Variants in CNTN5 observed in about 807,000 individuals in gnomAD.
The protein encoded by CNTN5 is contactin 5.
Under a neutral mutation model 129.1 loss-of-function variants are expected in CNTN5, and 77 were observed. The observed-to-expected ratio is 0.60, with a 90% CI of 0.50 to 0.72. The LOEUF is 0.72. Among genes scored for constraint, CNTN5 ranks in the 30% least tolerant of loss-of-function variants. The probability of loss-of-function intolerance (pLI) is 0.00; values close to 1 mark genes in which losing one functional copy is unlikely to be tolerated. For missense variants in CNTN5, 1,478 were observed against 1,328.8 expected (o/e 1.11, Z -1.75); for synonymous variants, 509 against 465.6 (o/e 1.09, Z -1.20).
At chr11:99,301,321 T>G (rs981873304) in intron 1 of CNTN5, among the ~76,000 whole-genome samples, 2 of 150,718 alleles carry the variant, frequency 1.3e-5, no homozygotes, top group African/African-American at 4.9e-5. Context: ...AAAAAAAGAT[T>G]AAAAAAAGGT....
intron 2 of CNTN5, among the ~76,000 whole-genome samples, chr11:99,414,368 G>T (rs1195358325): frequency 3.3e-5 from 5 of 152,100 alleles, no homozygotes; most frequent in African/African-American, 1.2e-4. Flanking sequence ...TGCACACATG[G>T]ATATTTAATA....
intron 6 of CNTN5, among the ~76,000 whole-genome samples, chr11:99,900,072 T>C (rs577048202): frequency 6.6e-6 from 1 of 152,172 alleles, no homozygotes; most frequent in Admixed American, 6.5e-5. Context: ...CTTGATCATT[T>C]CTGATTCTAC....
chr11:99,757,614 A>G (rs1001277386), intron 3 of CNTN5, among the ~76,000 whole-genome samples: 4 of 152,072 alleles, frequency 2.6e-5, no homozygotes, highest in African/African-American at 9.7e-5. Flanking sequence ...ATATCTACAG[A>G]GACCCTATTT....
At chr11:99,206,872 C>T (rs1565402732) in intron 1 of CNTN5, among the ~76,000 whole-genome samples, 1 of 152,074 alleles carries the variant, frequency 6.6e-6, no homozygotes, top group East Asian at 1.9e-4. Flanking sequence ...CCGTATGTGA[C>T]AAATAAAGTA....
rs557269648 is a variant in CNTN5 at position 99,147,315 on chromosome 11, C to A, written c.-210+126045C>A. On this transcript the variant is annotated intron_variant, in intron 1 of 24. Transcript: ENST00000524871. ...ATAAAAGCAAAGACAGCTGAAGCAA[C>A]CTTTTTCTGCTATATTTACAATTCT... Among the ~76,000 whole-genome samples the A allele has an allele frequency of 1.7e-3, 263 of 152,094 alleles. 2 individuals carry two copies. The highest frequency in any genetic ancestry group is 6.0e-3 in the African/African-American group (248 of 41,484).
intron 13 of CNTN5, among the ~76,000 whole-genome samples, chr11:100,155,625 C>T (rs112758385): frequency 2.6e-5 from 4 of 152,056 alleles, no homozygotes; most frequent in Non-Finnish European, 5.9e-5. Context: ...TGGCCATTTT[C>T]ACAATATTGA....
chr11:99,986,935 A>G (rs1357624868), intron 8 of CNTN5, among the ~76,000 whole-genome samples: 4 of 152,208 alleles, frequency 2.6e-5, no homozygotes, highest in Non-Finnish European at 4.4e-5. Context: ...TTGATAATTG[A>G]CTGATTGCGG....
At chr11:99,427,068 A>ATT (rs1943151621) in intron 2 of CNTN5, among the ~76,000 whole-genome samples, 1 of 152,228 alleles carries the variant, frequency 6.6e-6, no homozygotes, top group Non-Finnish European at 1.5e-5. Flanking sequence ...GAAAAACAAA[A>ATT]ACAAAAACCT....
intron 1 of CNTN5, among the ~76,000 whole-genome samples, chr11:99,277,647 T>G (rs956259000): frequency 6.6e-6 from 1 of 151,750 alleles, no homozygotes; most frequent in East Asian, 1.9e-4. Flanking sequence ...CTATTTGCAG[T>G]ACTGAACTAT....
At chr11:99,681,513 T>C (rs982778069) in intron 3 of CNTN5, among the ~76,000 whole-genome samples, 2 of 152,114 alleles carry the variant, frequency 1.3e-5, no homozygotes, top group African/African-American at 4.8e-5. Flanking sequence ...AAGGCTTAGA[T>C]GATAGCATTT....
chr11:99,449,624 G>A (rs1167790337), intron 2 of CNTN5, among the ~76,000 whole-genome samples: 1 of 152,152 alleles, frequency 6.6e-6, no homozygotes, highest in Non-Finnish European at 1.5e-5. Context: ...TTCTTCTGCT[G>A]TTCCTACATG....
intron 4 of CNTN5, among the ~76,000 whole-genome samples, chr11:99,838,751 C>T (rs772667395): frequency 3.9e-5 from 6 of 152,166 alleles, no homozygotes; most frequent in Non-Finnish European, 5.9e-5. Flanking sequence ...TCGGCCTCTC[C>T]ACAGCCTGAA....
chr11:99,980,715 T>C lies in CNTN5; in HGVS notation c.878-21319T>C, dbSNP rs925612282. Among the ~76,000 whole-genome samples the C allele has an allele frequency of 3.9e-5, 6 of 152,232 alleles. No homozygotes were observed. The East Asian group carries it at 1.2e-3, about 30-fold the overall frequency. ...TGGTAAGATTCTTTTTGTTTTTTAT[T>C]TCAGCTTAATACCTGATAATATGTT... is the stretch of plus-strand genomic sequence containing the variant. On this transcript the variant is annotated intron_variant, in intron 8 of 24. Transcript: ENST00000524871.
intron 2 of CNTN5, among the ~76,000 whole-genome samples, chr11:99,334,148 TCAC>T (rs2136035003): frequency 0.014 from 1 of 70 alleles, no homozygotes; most frequent in Non-Finnish European, 0.031. Flanking sequence ...TCTCAGACTC[TCAC>T]TCACAAATAC....
At chr11:99,761,743 A>C (rs558078404) in intron 3 of CNTN5, among the ~76,000 whole-genome samples, 1 of 147,198 alleles carries the variant, frequency 6.8e-6, no homozygotes, top group Non-Finnish European at 1.5e-5. Context: ...ATGTGTCTTT[A>C]TAGCAGCATG....
intron 1 of CNTN5, among the ~76,000 whole-genome samples, chr11:99,184,041 C>T (rs1479180009): frequency 6.6e-6 from 1 of 151,982 alleles, no homozygotes; most frequent in Non-Finnish European, 1.5e-5. Context: ...TTCTCATTGC[C>T]TCCACTCTGG....
intron 1 of CNTN5, among the ~76,000 whole-genome samples, chr11:99,160,280 A>C (rs1401095995): frequency 6.6e-6 from 1 of 152,210 alleles, no homozygotes; most frequent in Non-Finnish European, 1.5e-5. Flanking sequence ...CTCATTGCTT[A>C]TGTTATGACA....
chr11:100,191,778 T>A (rs1451331752), intron 14 of CNTN5, among the ~76,000 whole-genome samples: 1 of 151,998 alleles, frequency 6.6e-6, no homozygotes, highest in Admixed American at 6.6e-5. Flanking sequence ...ATAAGCAATA[T>A]TAATATTACT....
intron 1 of CNTN5, among the ~76,000 whole-genome samples, chr11:99,307,729 T>G (rs1864936622): frequency 6.6e-6 from 1 of 152,184 alleles, no homozygotes; most frequent in African/African-American, 2.4e-5. Context: ...CCATTGATTT[T>G]AAATGGGAGG....
Sources: gnomAD v4.1 joint callset for allele counts (sites outside exome capture counted in the v4.1 genomes callset) on GRCh38, gnomAD v4.1.1 for gene constraint, MANE v1.5 for transcripts, NCBI Gene and HGNC (gene_info 2026-07-23, HGNC 2026-07-21) for gene names.